The following IPO11 variants were observed in gnomAD, a reference collection of about 807,000 sequenced individuals.
IPO11 encodes the protein importin 11.
Under a neutral mutation model 143.2 loss-of-function variants are expected in IPO11, and 66 were observed. The ratio of observed to expected loss-of-function variants is 0.46; its 90% CI spans 0.38 to 0.57. IPO11 has a LOEUF of 0.57. IPO11 is among the 20% of genes least tolerant of loss of function. The probability of loss-of-function intolerance (pLI) is 0.00; values close to 1 mark genes in which losing one functional copy is unlikely to be tolerated. For missense variants in IPO11, 1,026 were observed against 1,141.0 expected (o/e 0.90, Z 1.45); for synonymous variants, 385 against 377.8 (o/e 1.02, Z -0.22).
intron 5 of IPO11, among the ~76,000 whole-genome samples, chr5:62,454,279 C>T (rs1337345925): frequency 2.6e-5 from 4 of 152,200 alleles, no homozygotes; most frequent in Non-Finnish European, 4.4e-5. Flanking sequence ...AGGAAATGGA[C>T]CGTTCACTCA....
At chr5:62,581,473 A>C (rs941560066) in intron 27 of IPO11, 1 of 609,214 alleles carries the variant, frequency 1.6e-6, no homozygotes, top group Non-Finnish European at 2.7e-6. Context: ...TCATTTAGCA[A>C]ATATTTTCTT....
At chr5:62,565,685 A>T (rs566117571) in intron 27 of IPO11, among the ~76,000 whole-genome samples, 46 of 152,190 alleles carry the variant, frequency 3.0e-4, no homozygotes, top group Middle Eastern at 3.4e-3. Context: ...GTTCCAGGAT[A>T]CAAATACAGA....
chr5:62,539,813 G>A (rs989515429), intron 24 of IPO11, among the ~76,000 whole-genome samples: 6 of 152,126 alleles, frequency 3.9e-5, no homozygotes, highest in African/African-American at 1.4e-4. Flanking sequence ...AGTATATTAA[G>A]GAACTCAGTC....
chr5:62,496,667 T>C (rs1741169310), intron 16 of IPO11, among the ~76,000 whole-genome samples: 3 of 152,162 alleles, frequency 2.0e-5, no homozygotes, highest in African/African-American at 7.2e-5. Context: ...CTATACACAA[T>C]AGTGTACAAC....
At chr5:62,484,561 T>A (rs1746327796) in intron 11 of IPO11, among the ~76,000 whole-genome samples, 1 of 151,804 alleles carries the variant, frequency 6.6e-6, no homozygotes, top group Admixed American at 6.6e-5. Flanking sequence ...TTTTTTTTTT[T>A]TTTTTGGACA....
intron 27 of IPO11, 90 bp from the exon 28 acceptor site, chr5:62,591,484 CTCT>C (rs1745007832): frequency 1.5e-6 from 1 of 678,710 alleles, no homozygotes; most frequent in African/African-American, 1.9e-5. Context: ...GCTGAAATTT[CTCT>C]TCATGTTCGA....
rs771888572 is a variant in IPO11, at chr5:62,579,353, A to C, written c.2583-12224A>C. ...AGTTATAGTATTATAAAAAAAATTC[A>C]TTTGATGAAGTTTTCGTGATTTAAA... is the stretch of plus-strand genomic sequence containing the variant. On this transcript the variant is annotated intron_variant, in intron 27 of 29. Transcript: ENST00000325324. 8.9e-6 allele frequency: 11 copies of C among 1,241,430 alleles called. No homozygotes were observed. The African/African-American group carries it at 1.7e-4, about 19-fold the overall frequency. The allele number at this position is 1,241,430 out of a possible 1,614,324, so 76.9% of individuals were successfully genotyped here. A position where few individuals can be genotyped will look rare whatever the true frequency, so the allele number is the denominator to read the frequency against.
chr5:62,572,157 C>T (rs1488541996), intron 27 of IPO11, among the ~76,000 whole-genome samples: 2 of 152,170 alleles, frequency 1.3e-5, no homozygotes, highest in East Asian at 1.9e-4. Flanking sequence ...ATTCCACAAT[C>T]TGGTTTTACT....
chr5:62,508,218 A>G (rs915814740), intron 19 of IPO11, among the ~76,000 whole-genome samples: 35 of 151,810 alleles, frequency 2.3e-4, no homozygotes, highest in African/African-American at 7.7e-4. Context: ...CTCTTCTCCA[A>G]TCTCCTGGGT....
intron 22 of IPO11, among the ~76,000 whole-genome samples, chr5:62,531,935 G>A (rs938114077): frequency 1.3e-5 from 2 of 152,134 alleles, no homozygotes; most frequent in African/African-American, 4.8e-5. Context: ...TGATCTACTA[G>A]AAAAAGAGAA....
chr5:62,516,342 G>A (rs1389564436), intron 20 of IPO11, among the ~76,000 whole-genome samples: 1 of 151,838 alleles, frequency 6.6e-6, no homozygotes, highest in African/African-American at 2.4e-5. Context: ...TGCACAGGCT[G>A]GAGCACAGTG....
rs1201805285 is a variant in IPO11 at position 62,504,884 on chromosome 5, G to A, written c.1651G>A (p.Asp551Asn). 1.3e-6 allele frequency: 2 copies of A among 1,558,824 alleles called. No homozygotes were observed. The highest frequency in any genetic ancestry group is 1.2e-5 in the South Asian group (1 of 83,384). The change falls in exon 18 of 30, where the codon GAT becomes AAT. Residue 551 changes from aspartate to asparagine, a missense_variant. Coordinates refer to ENST00000325324, the MANE Select transcript of IPO11 (RefSeq NM_016338.5). ...LTVDDFEFRTDQFLPYLETMF... is the reference protein window; with the variant it reads ...LTVDDFEFRTNQFLPYLETMF... ...TGTTGATGATTTTGAATTTAGAACA[G>A]ATCAGTTTCTACCGGTAAGAATATA...
chr5:62,465,657 A>G (rs996019510), intron 5 of IPO11, among the ~76,000 whole-genome samples: 18 of 152,252 alleles, frequency 1.2e-4, no homozygotes, highest in African/African-American at 4.3e-4. Context: ...TTGCATATAT[A>G]CTTGAGAATA....
chr5:62,426,738 T>A (rs2112107443), intron 1 of IPO11, among the ~76,000 whole-genome samples: 1 of 151,304 alleles, frequency 6.6e-6, no homozygotes, highest in South Asian at 2.1e-4. Context: ...TATAATTTGA[T>A]GTGTTTACTG....
chr5:62,437,132 G>A (rs897273192), intron 1 of IPO11, 142 bp from the exon 2 acceptor site: 6 of 544,764 alleles, frequency 1.1e-5, no homozygotes, highest in African/African-American at 9.8e-5. Context: ...GGTATACTTA[G>A]AAAAGATAGA....
intron 22 of IPO11, among the ~76,000 whole-genome samples, chr5:62,533,002 T>A (rs1182153691): frequency 6.6e-6 from 1 of 152,172 alleles, no homozygotes; most frequent in Non-Finnish European, 1.5e-5. Context: ...TGGATTCTAT[T>A]ATTTATTTTC....
intron 26 of IPO11, among the ~76,000 whole-genome samples, chr5:62,559,995 G>A (rs1158378848): frequency 6.8e-6 from 1 of 147,410 alleles, no homozygotes; most frequent in African/African-American, 2.5e-5. Flanking sequence ...ACAGGTAGAT[G>A]TTCACACTGC....
In IPO11 at chr5:62,443,067, A is replaced by C; in HGVS notation, c.223A>C (p.Arg75=). Residue 75 remains arginine, a synonymous_variant, in exon 3 of 30, where the codon AGA becomes CGA. Coordinates refer to ENST00000325324, the MANE Select transcript of IPO11 (RefSeq NM_016338.5). ...YFKHGIDRYW[R]RVAPHALSEE... ...TAAACATGGAATTGATCGCTACTGG[A>C]GACGTGTAGCACCTCAGTAAGTTCC... 6.2e-7 allele frequency: 1 copy of C among 1,606,186 alleles called. No homozygotes were observed. Among genetic ancestry groups the C allele is most frequent in the Non-Finnish European group, 8.5e-7 (1 of 1,174,098 alleles).
chr5:62,607,192 T>C (rs1288987278), intron 29 of IPO11, among the ~76,000 whole-genome samples: 1 of 152,212 alleles, frequency 6.6e-6, no homozygotes, highest in Admixed American at 6.5e-5. Context: ...CTGAAAACTT[T>C]CATTTTGTCT....
Sources: allele counts gnomAD v4.1 joint callset (sites outside exome capture counted in the v4.1 genomes callset), GRCh38; gene constraint gnomAD v4.1.1; transcripts MANE v1.5; gene names NCBI Gene and HGNC (gene_info 2026-07-23, HGNC 2026-07-21).